The following CDH18 variants were observed in gnomAD, a reference collection of about 807,000 sequenced individuals.
CDH18 encodes cadherin-18.
In CDH18, 31 loss-of-function variants were observed where a neutral mutation model predicts 67.9. The observed-to-expected ratio is 0.46, with a 90% confidence interval of 0.34 to 0.62. The LOEUF is 0.62. Ranked by LOEUF, CDH18 falls within the 20% of genes least tolerant of loss-of-function variation. The probability of loss-of-function intolerance (pLI) is 0.01; values close to 1 mark genes in which losing one functional copy is unlikely to be tolerated. For missense variants in CDH18, 890 were observed against 975.5 expected (o/e 0.91, Z 1.17); for synonymous variants, 362 against 347.2 (o/e 1.04, Z -0.48).
intron 5 of CDH18, among the ~76,000 whole-genome samples, chr5:19,633,572 C>T (rs1752702750): frequency 6.6e-6 from 1 of 151,776 alleles, no homozygotes. Flanking sequence ...GGGGAAGTGT[C>T]TCTCCTACTT....
intron 2 of CDH18, among the ~76,000 whole-genome samples, chr5:19,938,582 A>C (rs1347788583): frequency 6.6e-6 from 1 of 151,540 alleles, no homozygotes; most frequent in East Asian, 1.9e-4. Flanking sequence ...TCTTATTCAT[A>C]TTTTCTAGTT....
intron 7 of CDH18, among the ~76,000 whole-genome samples, chr5:19,590,774 G>A (rs1436414715): frequency 6.6e-6 from 1 of 151,992 alleles, no homozygotes; most frequent in Non-Finnish European, 1.5e-5. Context: ...TATTAACATT[G>A]GGACATTTCA....
intron 1 of CDH18, among the ~76,000 whole-genome samples, chr5:20,510,454 T>C (rs764430017): frequency 1.3e-5 from 2 of 152,174 alleles, no homozygotes; most frequent in Non-Finnish European, 2.9e-5. Context: ...TTTCCTCTTT[T>C]TTCAGGCTGA....
At chr5:19,811,648 G>T (rs1172820985) in intron 3 of CDH18, among the ~76,000 whole-genome samples, 1 of 152,074 alleles carries the variant, frequency 6.6e-6, no homozygotes, top group Non-Finnish European at 1.5e-5. Flanking sequence ...CTGAGCCAAG[G>T]TATATTAGCC....
At chr5:20,560,044 A>G (rs766346448) in intron 1 of CDH18, among the ~76,000 whole-genome samples, 1 of 152,098 alleles carries the variant, frequency 6.6e-6, no homozygotes, top group Non-Finnish European at 1.5e-5. Context: ...TTGGTTCAGC[A>G]TCATATGCTC....
At chr5:20,235,760 C>G (rs1454038010) in intron 2 of CDH18, among the ~76,000 whole-genome samples, 3 of 152,174 alleles carry the variant, frequency 2.0e-5, no homozygotes, top group Non-Finnish European at 4.4e-5. Flanking sequence ...TTTGATCCAG[C>G]ATCCTGCTAT....
intron 2 of CDH18, among the ~76,000 whole-genome samples, chr5:20,172,833 A>G (rs1190052323): frequency 6.6e-6 from 1 of 151,968 alleles, no homozygotes; most frequent in Non-Finnish European, 1.5e-5. Flanking sequence ...TCTGCTAAAA[A>G]TACAAAATTA....
chr5:19,587,205 T>C (rs1744298348), intron 7 of CDH18, among the ~76,000 whole-genome samples: 1 of 152,196 alleles, frequency 6.6e-6, no homozygotes, highest in African/African-American at 2.4e-5. Flanking sequence ...AGAAGCTATT[T>C]AGTTTAATTA....
chr5:19,946,086 T>C (rs751729864), intron 2 of CDH18, among the ~76,000 whole-genome samples: 2 of 151,828 alleles, frequency 1.3e-5, no homozygotes, highest in African/African-American at 4.8e-5. Flanking sequence ...GGTAAGAATG[T>C]GGAAAGAACT....
intron 1 of CDH18, among the ~76,000 whole-genome samples, chr5:20,560,655 A>G (rs1758156833): frequency 6.6e-6 from 1 of 152,036 alleles, no homozygotes; most frequent in Admixed American, 6.6e-5. Context: ...GACCTTCATG[A>G]CAACTCTTCT....
At chr5:20,053,358 G>A (rs1055205703) in intron 2 of CDH18, among the ~76,000 whole-genome samples, 9 of 151,224 alleles carry the variant, frequency 6.0e-5, no homozygotes, top group Non-Finnish European at 1.2e-4. Context: ...TTCCTTTTAA[G>A]GTTCCTCTCT....
At chr5:19,588,005 C>T (rs755279226) in intron 7 of CDH18, among the ~76,000 whole-genome samples, 22 of 151,918 alleles carry the variant, frequency 1.4e-4, no homozygotes, top group Non-Finnish European at 2.4e-4. Flanking sequence ...TCCTTTGCTT[C>T]CCTTGTTAAC....
intron 2 of CDH18, among the ~76,000 whole-genome samples, chr5:20,030,315 G>A (rs1739285870): frequency 6.6e-6 from 1 of 152,148 alleles, no homozygotes; most frequent in African/African-American, 2.4e-5. Context: ...GCCATATATA[G>A]TGTTTAGCCT....
intron 2 of CDH18, among the ~76,000 whole-genome samples, chr5:19,898,076 T>G (rs1789543880): frequency 6.6e-6 from 1 of 152,110 alleles, no homozygotes; most frequent in Non-Finnish European, 1.5e-5. Flanking sequence ...CTGAATGTTC[T>G]TTAGTTCCAG....
At chr5:19,563,659 A>G (rs189025956) in intron 8 of CDH18, among the ~76,000 whole-genome samples, 133 of 152,326 alleles carry the variant, frequency 8.7e-4, no homozygotes, top group Middle Eastern at 3.4e-3. Flanking sequence ...TTGGAGAAGA[A>G]GGTGGAGCAA....
chr5:20,425,885 T>A (rs181481535), intron 1 of CDH18, among the ~76,000 whole-genome samples: 1 of 150,884 alleles, frequency 6.6e-6, no homozygotes, highest in Non-Finnish European at 1.5e-5. Flanking sequence ...ACTGGCTTGA[T>A]AAAACAGATG....
chr5:20,496,356 T>C (rs1753905025), intron 1 of CDH18, among the ~76,000 whole-genome samples: 1 of 152,110 alleles, frequency 6.6e-6, no homozygotes, highest in Non-Finnish European at 1.5e-5. Flanking sequence ...TATTGTCTTT[T>C]AAACACAAAA....
intron 1 of CDH18, chr5:20,304,243 G>A (rs1354519102): frequency 8.9e-6 from 14 of 1,566,520 alleles, no homozygotes; most frequent in Non-Finnish European, 1.2e-5. Flanking sequence ...TCAGCAATAT[G>A]TTGCCTAAAT....
intron 1 of CDH18, among the ~76,000 whole-genome samples, chr5:20,366,108 A>G (rs573996488): frequency 1.2e-3 from 188 of 152,318 alleles, no homozygotes; most frequent in Non-Finnish European, 2.1e-3. Context: ...TAAATAGAAA[A>G]CACAATAACC....
Sources: allele counts gnomAD v4.1 joint callset (sites outside exome capture counted in the v4.1 genomes callset), GRCh38; gene constraint gnomAD v4.1.1; transcripts MANE v1.5; gene names NCBI Gene and HGNC (gene_info 2026-07-23, HGNC 2026-07-21).